PKHD1L1: variants seen among roughly 807,000 people sequenced by gnomAD.
The protein encoded by PKHD1L1 is fibrocystin-L.
A neutral mutation model predicts 462.9 loss-of-function variants in PKHD1L1; 434 were observed. The observed-to-expected ratio is 0.94, with a 90% CI of 0.87 to 1.02. PKHD1L1 has a LOEUF of 1.02. PKHD1L1 is among the 50% of genes least tolerant of loss of function. The pLI, the probability that PKHD1L1 is intolerant of heterozygous loss-of-function variation, is 0.00. For missense variants in PKHD1L1, 5,202 were observed against 5,096.1 expected, an observed-to-expected ratio of 1.02 and a Z score of -0.63; for synonymous variants, 1,781 against 1,750.0, an observed-to-expected ratio of 1.02 and a Z score of -0.44.
Position 109,368,784 on chromosome 8 carries a change from C to CA in PKHD1L1, c.163+4149dup, listed in dbSNP as rs150080598. ...TTTGGATTGCTGCTATCAGGAGACC[C>CA]AGGTTTGCGTGCCTGGCAATTCCTG... On this transcript the variant is annotated intron_variant, in intron 2 of 77. Transcript: ENST00000378402. Among the ~76,000 whole-genome samples, 9 of 152,244 alleles carry CA rather than the reference C, an allele frequency of 5.9e-5. No homozygotes were observed. The East Asian group carries it at 1.7e-3, about 29-fold the overall frequency.
chr8:109,470,117 C>T (rs559368071), intron 50 of PKHD1L1: 34 of 502,932 alleles, frequency 6.8e-5, no homozygotes, highest in Non-Finnish European at 1.4e-5. Flanking sequence ...AAATATACAA[C>T]ATAATAAAGT....
At position 109,443,898 on chromosome 8, in the gene PKHD1L1, A is replaced by G; in HGVS notation, c.4787A>G (p.Asn1596Ser). The G allele has an allele frequency of 6.2e-7, 1 of 1,601,090 alleles. No individual in the cohort carries two copies. The highest frequency in any genetic ancestry group is 8.6e-7 in the Non-Finnish European group (1 of 1,169,312). ...GGCTTTAGTAATCTCCCATGGGCTAATAAGGTAAGAATATAAATACCTCCT... is the reference window on the plus strand; with the variant it reads ...GGCTTTAGTAATCTCCCATGGGCTAGTAAGGTAAGAATATAAATACCTCCT... ...GHGFSNLPWA[N>S]KVTIGSYPCV... Residue 1596 changes from asparagine (N) to serine (S), a missense_variant, in exon 37 of 78, where the codon AAT (asparagine) becomes AGT (serine). Physicochemically the swap from Asn to Ser is conservative, Grantham distance 46 (BLOSUM62 1). Coordinates refer to ENST00000378402, the MANE Select transcript of PKHD1L1 (RefSeq NM_177531.6).
At chr8:109,454,352 T>G (rs184284572) in intron 44 of PKHD1L1, 106 bp downstream of exon 44, 369 of 755,892 alleles carry the variant, frequency 4.9e-4, no homozygotes, top group Middle Eastern at 3.7e-3. Flanking sequence ...TCTCCTAAGT[T>G]TATCTTTGTT....
At chr8:109,467,033 T>TA (rs1817479516) in intron 50 of PKHD1L1, among the ~76,000 whole-genome samples, 1 of 152,092 alleles carries the variant, frequency 6.6e-6, no homozygotes, top group Non-Finnish European at 1.5e-5. Flanking sequence ...GGCACAGCCC[T>TA]TGGAGCAAGT....
At chr8:109,422,773 T>C (rs1174203793) in intron 23 of PKHD1L1, among the ~76,000 whole-genome samples, 2 of 152,190 alleles carry the variant, frequency 1.3e-5, no homozygotes, top group Non-Finnish European at 2.9e-5. Context: ...AGAACATGTA[T>C]AGTTTTTAAA....
chr8:109,415,142 G>A (rs540709116), intron 21 of PKHD1L1, among the ~76,000 whole-genome samples: 28 of 151,794 alleles, frequency 1.8e-4, no homozygotes, highest in Admixed American at 1.3e-3. Flanking sequence ...AGCTGGGACT[G>A]CAGGTGTGCA....
At chr8:109,416,093 G>A (rs560037655) in intron 21 of PKHD1L1, among the ~76,000 whole-genome samples, 1 of 152,206 alleles carries the variant, frequency 6.6e-6, no homozygotes, top group African/African-American at 2.4e-5. Flanking sequence ...TAGTCATGAG[G>A]TAGGAGTCCA....
At chr8:109,473,352 A>T (rs1329714011) in intron 50 of PKHD1L1, among the ~76,000 whole-genome samples, 1 of 151,876 alleles carries the variant, frequency 6.6e-6, no homozygotes, top group Non-Finnish European at 1.5e-5. Context: ...GCCTCTACTA[A>T]AACTACCAGA....
intron 12 of PKHD1L1, 134 bp from the exon 13 acceptor site, chr8:109,399,942 T>C: frequency 1.1e-6 from 1 of 916,674 alleles, no homozygotes. Context: ...GGGGAATGTG[T>C]AATTGTTTTG....
At chr8:109,393,399 A>G (rs1397359896) in intron 9 of PKHD1L1, among the ~76,000 whole-genome samples, 1 of 152,224 alleles carries the variant, frequency 6.6e-6, no homozygotes, top group Non-Finnish European at 1.5e-5. Flanking sequence ...GAAGGTAATT[A>G]AAGTAACAGC....
In PKHD1L1 at chr8:109,531,290, C is replaced by T. The variant is rs1821034724; in HGVS notation, c.*1200C>T. On this transcript the variant is annotated 3_prime_UTR_variant, in exon 78 of 78. Transcript: ENST00000378402. ...CTTGGTATAAATGTGGCATTTCATT[C>T]ACTTGAGCAGTATCTGTTGGGTGTT... Among the ~76,000 whole-genome samples the T allele has an allele frequency of 6.6e-6, 1 of 152,184 alleles. No homozygotes were observed. Among genetic ancestry groups the T allele is most frequent in the African/African-American group, 2.4e-5 (1 of 41,438 alleles).
intron 50 of PKHD1L1, among the ~76,000 whole-genome samples, chr8:109,467,902 C>T (rs1022839968): frequency 2.0e-5 from 3 of 152,020 alleles, no homozygotes; most frequent in African/African-American, 4.8e-5. Context: ...AATAAGGAAT[C>T]GTAAGTATAG....
chr8:109,395,982 AT>A, intron 10 of PKHD1L1, 44 bp from the exon 11 acceptor site: 1 of 1,338,932 alleles, frequency 7.5e-7, no homozygotes, highest in Non-Finnish European at 1.0e-6. Flanking sequence ...ATTTGGGTTT[AT>A]GTGTAATATT....
At position 109,466,743 on chromosome 8, in the gene PKHD1L1, A is replaced by G; in HGVS notation, c.8579A>G (p.Lys2860Arg). Residue 2860 changes from lysine (K) to arginine (R), a missense_variant, in exon 50 of 78, where the codon AAG (lysine) becomes AGG (arginine). Coordinates refer to ENST00000378402, the MANE Select transcript of PKHD1L1 (RefSeq NM_177531.6). Reference protein sequence around the residue: ...NQPSPVSLLEKDVVLSDSFGT... With the variant: ...NQPSPVSLLERDVVLSDSFGT... ...CCTTCTCCAGTATCTCTGCTTGAAAAGGATGTGGTTCTTTCAGACTCTTTT... is the reference window on the plus strand; with the variant it reads ...CCTTCTCCAGTATCTCTGCTTGAAAGGGATGTGGTTCTTTCAGACTCTTTT... 1.2e-6 allele frequency: 2 copies of G among 1,612,748 alleles called. No homozygotes were observed. The highest frequency in any genetic ancestry group is 1.1e-5 in the South Asian group (1 of 90,882).
chr8:109,492,113 C>T lies in PKHD1L1; in HGVS notation c.10236+119C>T, dbSNP rs1441478569. The T allele has an allele frequency of 7.5e-6, 6 of 796,060 alleles. No homozygotes were observed. The South Asian group carries it at 1.6e-4, about 21-fold the overall frequency. The allele number at this position is 796,060 out of a possible 1,614,324, so 49.3% of individuals were successfully genotyped here. A position where few individuals can be genotyped will look rare whatever the true frequency, so the allele number is the denominator to read the frequency against. On this transcript the variant is annotated intron_variant, in intron 62 of 77. Coordinates refer to ENST00000378402, the MANE Select transcript of PKHD1L1 (RefSeq NM_177531.6). Reference sequence around the variant, plus strand: ...ACTTTTAAAAAGATGATGTAAGTTTCGATGGCCATTGATTTTTTTTTTTTT... The same window carrying T: ...ACTTTTAAAAAGATGATGTAAGTTTTGATGGCCATTGATTTTTTTTTTTTT...
Position 109,449,435 on chromosome 8 carries a change from C to T in PKHD1L1, c.6123C>T (p.Asp2041=). ...ILVCGSECAI[D]RLRSDYTTLL... ...TTTGTGGCTCAGAATGTGCAATTGACAGGCTTAGATCTGATTACACAACAC... is the reference window on the plus strand; with the variant it reads ...TTTGTGGCTCAGAATGTGCAATTGATAGGCTTAGATCTGATTACACAACAC... The change falls in exon 40 of 78, where the codon GAC becomes GAT. Residue 2041 remains aspartate, a synonymous_variant. Transcript: ENST00000378402. 6.3e-7 allele frequency: 1 copy of T among 1,599,324 alleles called. No individual in the cohort carries two copies. The highest frequency in any genetic ancestry group is 1.1e-5 in the South Asian group (1 of 88,316).
At chr8:109,521,165 T>G (rs1376987154) in intron 73 of PKHD1L1, among the ~76,000 whole-genome samples, 2 of 152,152 alleles carry the variant, frequency 1.3e-5, no homozygotes, top group African/African-American at 2.4e-5. Context: ...ACTGTGGGGT[T>G]CATAGTGTCA....
At position 109,405,064 on chromosome 8, in the gene PKHD1L1, C is replaced by A. The variant is rs761631259; in HGVS notation, c.1603C>A (p.Pro535Thr). 6 of 1,528,006 alleles carry A rather than the reference C, an allele frequency of 3.9e-6. No individual in the cohort carries two copies. The highest frequency in any genetic ancestry group is 3.6e-6 in the Non-Finnish European group (4 of 1,125,750). 94.7% of individuals were successfully genotyped at this position (1,528,006 alleles called of 1,614,324 possible). Residue 535 changes from proline (P) to threonine (T), a missense_variant, in exon 16 of 78, where the codon CCA becomes ACA. This residue lies in a region of PKHD1L1 where 4,497 missense variants were observed against 4,336.8 expected (regional missense o/e 1.04). Transcript: ENST00000378402. ...GGTTCAGAAGATCAAGGTAACCAGC[C>A]CATGTGTGGAAGCTAATTCATGTTC... ...NEVQKIKVTS[P>T]CVEANSCSLY...
chr8:109,363,358 A>G (rs550373076), intron 1 of PKHD1L1, among the ~76,000 whole-genome samples: 6 of 152,338 alleles, frequency 3.9e-5, no homozygotes, highest in Admixed American at 3.3e-4. Flanking sequence ...CCCGAGGTAC[A>G]GAGGCACTGG....
Sources: gnomAD v4.1 joint callset for allele counts (sites outside exome capture counted in the v4.1 genomes callset) on GRCh38, gnomAD v4.1.1 for gene constraint, gnomAD v4.1.1 regional missense constraint, MANE v1.5 for transcripts, NCBI Gene and HGNC (gene_info 2026-07-23, HGNC 2026-07-21) for gene names.